RBMS3: variants seen among roughly 807,000 people sequenced by gnomAD.
RBMS3 encodes RNA binding motif single stranded interacting protein 3, also known as RNA-binding motif, single-stranded-interacting protein 3.
In RBMS3, 27 loss-of-function variants were observed where a neutral mutation model predicts 66.8. That is an observed-to-expected ratio of 0.40 (90% CI 0.30 to 0.56). The LOEUF (loss-of-function observed/expected upper bound fraction) is 0.56. Among genes scored for constraint, RBMS3 ranks in the 20% least tolerant of loss-of-function variants. The probability of loss-of-function intolerance (pLI) is 0.40; values close to 1 mark genes in which losing one functional copy is unlikely to be tolerated. For missense variants in RBMS3, 513 were observed against 549.5 expected (o/e 0.93, Z 0.66); for synonymous variants, 188 against 183.0 (o/e 1.03, Z -0.22).
intron 6 of RBMS3, among the ~76,000 whole-genome samples, chr3:29,824,946 C>T (rs2058168353): frequency 6.6e-6 from 1 of 151,718 alleles, no homozygotes; most frequent in South Asian, 2.1e-4. Flanking sequence ...AATTATTAAT[C>T]TTTTATTCAA....
chr3:29,563,482 G>C (rs1434335939), intron 3 of RBMS3, among the ~76,000 whole-genome samples: 1 of 152,134 alleles, frequency 6.6e-6, no homozygotes, highest in Non-Finnish European at 1.5e-5. Context: ...TCAACAGCTA[G>C]CTGAAACCTC....
chr3:29,618,311 A>G (rs1005426260), intron 4 of RBMS3, among the ~76,000 whole-genome samples: 2 of 152,152 alleles, frequency 1.3e-5, no homozygotes, highest in African/African-American at 2.4e-5. Flanking sequence ...CCTGGCCACA[A>G]TGGTGAAACC....
intron 2 of RBMS3, among the ~76,000 whole-genome samples, chr3:29,456,314 C>T (rs2042189004): frequency 6.6e-6 from 1 of 152,126 alleles, no homozygotes. Context: ...GTTTTCCACT[C>T]TCCCTGTAAT....
intron 6 of RBMS3, among the ~76,000 whole-genome samples, chr3:29,812,520 T>C (rs1177914978): frequency 1.3e-5 from 2 of 152,176 alleles, no homozygotes; most frequent in African/African-American, 4.8e-5. Flanking sequence ...TCCCAAAATC[T>C]AGAGGGTCAG....
In RBMS3 at chr3:29,360,738, A is replaced by G. The variant is rs909976644; in HGVS notation, c.76-74005A>G. ...TTATGAATCTGGGTGCTCCTGTATT[A>G]GGTGTATATATATTTAGGATAGTTA... On this transcript the variant is annotated intron_variant, in intron 1 of 14. Coordinates refer to ENST00000383767, the MANE Select transcript of RBMS3 (RefSeq NM_001003793.3). 3.3e-5 allele frequency among the ~76,000 whole-genome samples: 5 copies of G among 151,926 alleles called. 1 individual carries two copies. The highest frequency in any genetic ancestry group is 9.7e-5 in the African/African-American group (4 of 41,268).
intron 1 of RBMS3, among the ~76,000 whole-genome samples, chr3:29,372,839 T>C (rs2125605693): frequency 6.7e-6 from 1 of 150,242 alleles, no homozygotes; most frequent in Admixed American, 6.6e-5. Flanking sequence ...GGAATGATAA[T>C]AGAACCTGCC....
At chr3:29,670,151 C>T (rs963590658) in intron 4 of RBMS3, among the ~76,000 whole-genome samples, 2 of 152,118 alleles carry the variant, frequency 1.3e-5, no homozygotes, top group Admixed American at 6.5e-5. Context: ...ACATAAAAGG[C>T]TAAACGGACC....
chr3:29,947,754 TA>T, intron 12 of RBMS3, among the ~76,000 whole-genome samples: 1 of 151,570 alleles, frequency 6.6e-6, no homozygotes, highest in East Asian at 2.0e-4. Flanking sequence ...TGCCATTTTC[TA>T]TACATGGTTG....
At chr3:29,333,358 G>C (rs2035771880) in intron 1 of RBMS3, among the ~76,000 whole-genome samples, 1 of 152,106 alleles carries the variant, frequency 6.6e-6, no homozygotes, top group Non-Finnish European at 1.5e-5. Context: ...TTAGAAAGCA[G>C]TAGCACTATA....
intron 11 of RBMS3, among the ~76,000 whole-genome samples, chr3:29,940,429 G>A (rs1273925144): frequency 6.6e-6 from 1 of 151,854 alleles, no homozygotes; most frequent in East Asian, 1.9e-4. Flanking sequence ...GGTTCCAAGG[G>A]CAGAGCAGAG....
chr3:29,708,071 G>T (rs1576581387), intron 4 of RBMS3, among the ~76,000 whole-genome samples: 1 of 152,258 alleles, frequency 6.6e-6, no homozygotes, highest in South Asian at 2.1e-4. Flanking sequence ...CATGCCTTTT[G>T]CAACAAAAAG....
intron 3 of RBMS3, among the ~76,000 whole-genome samples, chr3:29,527,174 G>T (rs2148985591): frequency 1.1e-5 from 1 of 89,248 alleles, no homozygotes; most frequent in Non-Finnish European, 1.9e-5. Flanking sequence ...GTGATTGTTA[G>T]GTAGAGTAAA....
chr3:29,574,685 C>T (rs370953938), intron 3 of RBMS3, among the ~76,000 whole-genome samples: 98 of 152,020 alleles, frequency 6.4e-4, no homozygotes, highest in African/African-American at 1.6e-3. Flanking sequence ...TTTTCTCTGA[C>T]GGTATGATTT....
intron 1 of RBMS3, among the ~76,000 whole-genome samples, chr3:29,341,186 A>T (rs997233998): frequency 1.3e-5 from 2 of 152,130 alleles, no homozygotes; most frequent in South Asian, 2.1e-4. Context: ...ACGTATGCAG[A>T]TATAAATAAA....
At chr3:29,629,989 A>G (rs1012281150) in intron 4 of RBMS3, among the ~76,000 whole-genome samples, 2 of 152,130 alleles carry the variant, frequency 1.3e-5, no homozygotes, top group South Asian at 2.1e-4. Flanking sequence ...TATGAAACAG[A>G]AAAAGATAGG....
intron 1 of RBMS3, among the ~76,000 whole-genome samples, chr3:29,429,453 C>T (rs968296044): frequency 1.3e-5 from 2 of 152,124 alleles, no homozygotes; most frequent in African/African-American, 4.8e-5. Flanking sequence ...AACCTTCCAG[C>T]AAAGCTACAA....
intron 4 of RBMS3, among the ~76,000 whole-genome samples, chr3:29,591,550 T>C (rs1300352521): frequency 6.6e-6 from 1 of 152,222 alleles, no homozygotes; most frequent in East Asian, 1.9e-4. Context: ...TAACCCCTGA[T>C]TCTGTCATCC....
intron 14 of RBMS3, among the ~76,000 whole-genome samples, chr3:29,998,305 AG>A (rs1211363685): frequency 6.6e-6 from 1 of 152,232 alleles, no homozygotes; most frequent in Non-Finnish European, 1.5e-5. Context: ...GCTCATGGGT[AG>A]GAAGAATCAA....
intron 1 of RBMS3, among the ~76,000 whole-genome samples, chr3:29,420,947 G>GA (rs397757488): frequency 0.076 from 9,584 of 125,384 alleles, 363 homozygotes; most frequent in Middle Eastern, 0.1. Flanking sequence ...TACTAAAAAT[G>GA]AAAAAAAAAA....
Sources: allele counts gnomAD v4.1 joint callset (sites outside exome capture counted in the v4.1 genomes callset), GRCh38; gene constraint gnomAD v4.1.1; transcripts MANE v1.5; gene names NCBI Gene and HGNC (gene_info 2026-07-23, HGNC 2026-07-21).